The following ZFP28 variants were observed in gnomAD, a reference collection of about 807,000 sequenced individuals.
ZFP28 encodes the protein ZFP28 zinc finger protein.
Under a neutral mutation model 39.5 loss-of-function variants are expected in ZFP28, and 31 were observed. The ratio of observed to expected loss-of-function variants is 0.79; its 90% CI spans 0.59 to 1.06. ZFP28 has a LOEUF of 1.06. Among genes scored for constraint, ZFP28 ranks in the 50% least tolerant of loss-of-function variants. The pLI, the probability that ZFP28 is intolerant of heterozygous loss-of-function variation, is 0.00. For synonymous variants in ZFP28, 400 were observed against 378.6 expected, an observed-to-expected ratio of 1.06 and a Z score of -0.66; for missense variants, 925 against 1,048.4, an observed-to-expected ratio of 0.88 and a Z score of 1.63.
chr19:56,547,776 A>G lies in ZFP28; in HGVS notation c.428-31A>G, dbSNP rs776609027. 4.3e-6 allele frequency: 7 copies of G among 1,613,382 alleles called. No individual in the cohort carries two copies. The highest frequency in any genetic ancestry group is 4.5e-5 in the East Asian group (2 of 44,858). On this transcript the variant is annotated intron_variant, in intron 3 of 7. Transcript: ENST00000301318. This position sits in a 1 kb window ranked among gnomAD's most constrained non-coding sequence, Gnocchi z 4.6. ...TGCATCTCAGTCTGGACAGCCACACAGTATGACCAGGTTGTTTTTTATGTG... is the reference window on the plus strand; with the variant it reads ...TGCATCTCAGTCTGGACAGCCACACGGTATGACCAGGTTGTTTTTTATGTG...
chr19:56,550,676 A>AT (rs1202774816), intron 7 of ZFP28, 71 bp downstream of exon 7: 2 of 1,606,738 alleles, frequency 1.2e-6, no homozygotes, highest in Non-Finnish European at 1.7e-6. Flanking sequence ...AAAAGGCTGC[A>AT]TCCTCACTAA....
At chr19:56,551,066 T>C (rs1404179974) in intron 7 of ZFP28, 1 of 1,138,498 alleles carries the variant, frequency 8.8e-7, no homozygotes, top group Non-Finnish European at 1.1e-6. Context: ...ATCAGTGAAT[T>C]ACTCTAATGG....
At position 56,554,757 on chromosome 19, in the gene ZFP28, G is replaced by A. The variant is rs1486702150; in HGVS notation, c.1972G>A (p.Ala658Thr). ...TTGTAGTAAAGCGTTCACCCAGAAG[G>A]CTCACCTTGCACAGCATCAGAAAAC... The part of the protein sequence containing the change: ...KVCSKAFTQK[A>T]HLAQHQKTHT... The change falls in exon 8 of 8, where the codon GCT (alanine) becomes ACT (threonine). Residue 658 changes from alanine (A) to threonine (T), a missense_variant. Ala to Thr is a moderately conservative substitution (Grantham distance 58). This residue lies in a region of ZFP28 where 369 missense variants were observed against 505.5 expected (regional missense o/e 0.73). Coordinates refer to ENST00000301318, the MANE Select transcript of ZFP28 (RefSeq NM_020828.2). The surrounding 1 kb of genome is among the most constrained non-coding windows in gnomAD (Gnocchi z 6.7). 6.2e-7 allele frequency: 1 copy of A among 1,613,970 alleles called. No individual in the cohort carries two copies. The highest frequency in any genetic ancestry group is 8.5e-7 in the Non-Finnish European group (1 of 1,180,018).
At position 56,553,690 on chromosome 19, in the gene ZFP28, G is replaced by A. The variant is rs200202519; in HGVS notation, c.905G>A (p.Arg302Gln). The A allele has an allele frequency of 2.9e-5, 46 of 1,585,016 alleles. No individual in the cohort carries two copies. In the Admixed American group the frequency reaches 3.0e-4, roughly 10 times the overall value. The stretch of plus-strand genomic sequence containing the variant: ...TTTTCTTGGTATCTTTCAGGCCAGC[G>A]ATCTGTACATGAGACCCAGGAATTA... ...ELTGSLFSGQ[R>Q]SVHETQELFP... Residue 302 changes from arginine to glutamine, a missense_variant, in exon 8 of 8, where the codon CGA (arginine) becomes CAA (glutamine). This residue lies in a region of ZFP28 where 556 missense variants were observed against 542.9 expected (regional missense o/e 1.02). Coordinates refer to ENST00000301318, the MANE Select transcript of ZFP28 (RefSeq NM_020828.2).
chr19:56,548,561 T>A (rs1199189785), intron 4 of ZFP28: 3 of 154,886 alleles, frequency 1.9e-5, no homozygotes, highest in East Asian at 3.8e-4. Context: ...GAAATAAGGA[T>A]CATATGGCAG....
rs939594204 is a variant in ZFP28 at position 56,549,197 on chromosome 19, A to T, written c.687+76A>T. On this transcript the variant is annotated intron_variant, in intron 5 of 7. Coordinates refer to ENST00000301318, the MANE Select transcript of ZFP28 (RefSeq NM_020828.2). Reference sequence around the variant, plus strand: ...ACTCTTCTTGAGGGAAGAGACCATGACTACAACAACTATAAGAGAAGTTTT... The same window carrying T: ...ACTCTTCTTGAGGGAAGAGACCATGTCTACAACAACTATAAGAGAAGTTTT... 2.7e-6 allele frequency: 4 copies of T among 1,488,252 alleles called. No individual in the cohort carries two copies. In the African/African-American group the frequency reaches 5.6e-5, roughly 21 times the overall value. The allele number at this position is 1,488,252 out of a possible 1,614,324, so 92.2% of individuals were successfully genotyped here.
Position 56,556,704 on chromosome 19 carries a change from A to G in ZFP28, c.*1312A>G, listed in dbSNP as rs1238134951. The G allele has an allele frequency of 1.3e-5, 2 of 152,232 alleles. No individual in the cohort carries two copies. The highest frequency in any genetic ancestry group is 4.8e-5 in the African/African-American group (2 of 41,462). 9.4% of individuals were successfully genotyped at this position (152,232 alleles called of 1,614,324 possible). ...TGTCACATCAGAAACAAGAAAACAA[A>G]TGATAAAGGAACTCATTTATCAATA... On this transcript the variant is annotated 3_prime_UTR_variant, in exon 8 of 8. Coordinates refer to ENST00000301318, the MANE Select transcript of ZFP28 (RefSeq NM_020828.2).
In ZFP28 at chr19:56,547,394, T is replaced by A; in HGVS notation, c.301-114T>A. ...CAGTCACATTCAAAAGTACTGGGGA[T>A]TAGGAGTTTAATGTAGGAGTTTTGT... On this transcript the variant is annotated intron_variant, in intron 2 of 7. Coordinates refer to ENST00000301318, the MANE Select transcript of ZFP28 (RefSeq NM_020828.2). This position sits in a 1 kb window ranked among gnomAD's most constrained non-coding sequence, Gnocchi z 4.6. 1.4e-6 allele frequency: 2 copies of A among 1,446,904 alleles called. No individual in the cohort carries two copies. Among genetic ancestry groups the A allele is most frequent in the Admixed American group, 1.8e-5 (1 of 54,882 alleles). The allele number at this position is 1,446,904 out of a possible 1,614,324, so 89.6% of individuals were successfully genotyped here. A position where few individuals can be genotyped will look rare whatever the true frequency, so the allele number is the denominator to read the frequency against.
chr19:56,544,191 A>G (rs1053031166), intron 2 of ZFP28, among the ~76,000 whole-genome samples: 6 of 152,246 alleles, frequency 3.9e-5, no homozygotes, highest in Admixed American at 3.9e-4. Context: ...AGACACTTAG[A>G]TGGCGTACTT....
At chr19:56,538,467 G>T (rs1005750902), upstream of ZFP28, 1 of 152,742 alleles carries the variant, frequency 6.5e-6, no homozygotes, top group Non-Finnish European at 1.5e-5. Context: ...AAGCCTTTGG[G>T]GGGTGGGTGT....
rs1320519992 is a variant in ZFP28, at chr19:56,539,664, A to G, written c.248A>G (p.Asn83Ser). 6.2e-7 allele frequency: 1 copy of G among 1,614,116 alleles called. No homozygotes were observed. Among genetic ancestry groups the G allele is most frequent in the Admixed American group, 1.7e-5 (1 of 60,024 alleles). Residue 83 changes from asparagine to serine, a missense_variant, in exon 2 of 8, where the codon AAC (asparagine) becomes AGC (serine). By Grantham distance (46) the Asn-to-Ser change is conservative. Transcript: ENST00000301318. ...GACACTGCTCTTCCCCAGGAGAGAA[A>G]CAAGAAGCTGGAGGCTGTGGGGACA... ...SRDTALPQER[N>S]KKLEAVGTGI...
chr19:56,538,797 C>CGGGGA (rs1568482511), upstream of ZFP28, among the ~76,000 whole-genome samples: 3 of 95,450 alleles, frequency 3.1e-5, no homozygotes, highest in African/African-American at 1.3e-4. Flanking sequence ...CGGGGCGGGG[C>CGGGGA]GGGGCGGGGC....
In ZFP28 at chr19:56,539,182, C is replaced by T. The variant is rs1480498775; in HGVS notation, c.164C>T (p.Ser55Phe). Reference protein sequence around the residue: ...GRPRSRNGLASKGQRGAAPTG... With the variant: ...GRPRSRNGLAFKGQRGAAPTG... Reference sequence around the variant, plus strand: ...CCGCGCTCAAGGAATGGCCTCGCATCCAAAGGCCAGCGAGGAGCGGCCCCT... The same window carrying T: ...CCGCGCTCAAGGAATGGCCTCGCATTCAAAGGCCAGCGAGGAGCGGCCCCT... The change falls in exon 1 of 8, where the codon TCC (serine) becomes TTC (phenylalanine). Residue 55 changes from serine to phenylalanine, a missense_variant. Physicochemically the swap from Ser to Phe is radical, Grantham distance 155. Transcript: ENST00000301318. 6.2e-7 allele frequency: 1 copy of T among 1,603,952 alleles called. No homozygotes were observed. The highest frequency in any genetic ancestry group is 8.5e-7 in the Non-Finnish European group (1 of 1,178,264).
Position 56,547,907 on chromosome 19 carries a change from G to C in ZFP28, c.523+5G>C. 6.2e-7 allele frequency: 1 copy of C among 1,614,120 alleles called. No individual in the cohort carries two copies. Among genetic ancestry groups the C allele is most frequent in the East Asian group, 2.2e-5 (1 of 44,878 alleles). ...TGACAAGAGCCTGGTGCCCAGGTGA[G>C]TGTGGGAGAACCAGGTAGGGTGAGG... On this transcript the variant is annotated splice_donor_5th_base_variant and intron_variant, in intron 4 of 7. Coordinates refer to ENST00000301318, the MANE Select transcript of ZFP28 (RefSeq NM_020828.2). The surrounding 1 kb of genome is among the most constrained non-coding windows in gnomAD (Gnocchi z 4.6).
chr19:56,553,947 T>G lies in ZFP28; in HGVS notation c.1162T>G (p.Ser388Ala), dbSNP rs754921889. The G allele has an allele frequency of 1.7e-5, 27 of 1,613,314 alleles. No homozygotes were observed. In the Middle Eastern group the frequency reaches 4.9e-4, roughly 29 times the overall value. ...TGGAAGATGGTTCTATTTGGACGAT[T>G]CAGAAGAGAAAGTTCATAATCGTGA... ...KSGRWFYLDDSEEKVHNRDSI... is the reference protein window; with the variant it reads ...KSGRWFYLDDAEEKVHNRDSI... Residue 388 changes from serine to alanine, a missense_variant, in exon 8 of 8, where the codon TCA (serine) becomes GCA (alanine). Around this residue, in one of 2 missense-constraint regions of ZFP28, gnomAD observed 556 missense variants for 542.9 expected, o/e 1.02. Coordinates refer to ENST00000301318, the MANE Select transcript of ZFP28 (RefSeq NM_020828.2).
At chr19:56,553,287 C>G (rs967288413) in intron 7 of ZFP28, among the ~76,000 whole-genome samples, 3 of 151,618 alleles carry the variant, frequency 2.0e-5, no homozygotes, top group African/African-American at 7.3e-5. Flanking sequence ...GTGGCTTGAT[C>G]ATAGTTTACT....
intron 5 of ZFP28, among the ~76,000 whole-genome samples, 191 bp downstream of exon 5, chr19:56,549,312 A>G (rs149359789): frequency 1.2e-3 from 183 of 152,316 alleles, no homozygotes; most frequent in African/African-American, 4.4e-3. Context: ...TGGAGGGGGA[A>G]ATTGAGTTGT....
rs984779463 is a variant in ZFP28 at position 56,555,587 on chromosome 19, A to G, written c.*195A>G. The G allele has an allele frequency of 2.3e-5, 16 of 697,950 alleles. No homozygotes were observed. In the African/African-American group the frequency reaches 2.5e-4, roughly 11 times the overall value. The allele number at this position is 697,950 out of a possible 1,614,324, so 43.2% of individuals were successfully genotyped here. A position where few individuals can be genotyped will look rare whatever the true frequency, so the allele number is the denominator to read the frequency against. On this transcript the variant is annotated 3_prime_UTR_variant, in exon 8 of 8. Coordinates refer to ENST00000301318, the MANE Select transcript of ZFP28 (RefSeq NM_020828.2). ...ATGTGCTCAGCACAGTGCCTGGTCC[A>G]TAGTAAGTGCTCAGTAAACTTAGCT...
At chr19:56,550,898 A>C in intron 7 of ZFP28, 1 of 1,431,520 alleles carries the variant, frequency 7.0e-7, no homozygotes, top group Non-Finnish European at 9.1e-7. Flanking sequence ...TTTTGAGCTG[A>C]CTTCCAAAGG....
Sources: allele counts gnomAD v4.1 joint callset (sites outside exome capture counted in the v4.1 genomes callset), GRCh38; gene constraint gnomAD v4.1.1; regional missense constraint gnomAD v4.1.1; non-coding constraint Gnocchi (gnomAD v3.1); transcripts MANE v1.5; gene names NCBI Gene and HGNC (gene_info 2026-07-23, HGNC 2026-07-21).